Variants in AATF observed in about 807,000 individuals in gnomAD.
AATF encodes apoptosis antagonizing transcription factor.
AATF carries 48 observed loss-of-function variants against 63.7 expected under a neutral mutation model. The ratio of observed to expected loss-of-function variants is 0.75; its 90% CI spans 0.60 to 0.96. The LOEUF (loss-of-function observed/expected upper bound fraction) is 0.96. Among genes scored for constraint, AATF ranks in the 40% least tolerant of loss-of-function variants. The probability of loss-of-function intolerance (pLI) is 0.00; values close to 1 mark genes in which losing one functional copy is unlikely to be tolerated. For synonymous variants in AATF, 258 were observed against 247.7 expected (o/e 1.04, Z -0.39); for missense variants, 639 against 685.7 (o/e 0.93, Z 0.76).
chr17:37,034,138 G>A (rs2071572143), intron 11 of AATF, among the ~76,000 whole-genome samples: 2 of 152,190 alleles, frequency 1.3e-5, no homozygotes, highest in African/African-American at 2.4e-5. Context: ...CTGGAGAACT[G>A]AACATTTGTT....
intron 11 of AATF, among the ~76,000 whole-genome samples, chr17:37,042,568 C>T (rs1239769230): frequency 6.7e-6 from 1 of 149,652 alleles, no homozygotes; most frequent in Non-Finnish European, 1.5e-5. Context: ...GCACACACTA[C>T]CACACCCAGC....
chr17:37,016,237 G>C (rs1050715122), intron 8 of AATF, among the ~76,000 whole-genome samples: 1 of 152,098 alleles, frequency 6.6e-6, no homozygotes, highest in Non-Finnish European at 1.5e-5. Context: ...TTCCTCAACT[G>C]TCTCTTAGAG....
chr17:37,003,558 C>G (rs375376210), intron 8 of AATF, among the ~76,000 whole-genome samples: 1 of 150,004 alleles, frequency 6.7e-6, no homozygotes, highest in Non-Finnish European at 1.5e-5. Context: ...CTTCTGCCTC[C>G]CAGGCTCAAG....
At chr17:37,031,003 T>G (rs552422319) in intron 10 of AATF, among the ~76,000 whole-genome samples, 3 of 152,370 alleles carry the variant, frequency 2.0e-5, no homozygotes, top group Admixed American at 1.3e-4. Context: ...TGTTCTTTTT[T>G]GGGGCTGTAC....
At chr17:37,053,320 C>T (rs2142332325) in intron 11 of AATF, among the ~76,000 whole-genome samples, 1 of 151,818 alleles carries the variant, frequency 6.6e-6, no homozygotes, top group South Asian at 2.1e-4. Context: ...TTGATTATAT[C>T]CTAATAATAA....
chr17:36,995,428 G>A (rs1015497846), intron 8 of AATF, among the ~76,000 whole-genome samples: 6 of 152,160 alleles, frequency 3.9e-5, no homozygotes, highest in African/African-American at 4.8e-5. Flanking sequence ...ATTGGTGAGC[G>A]ATTAATATGG....
At chr17:37,009,162 A>T (rs1265833625) in intron 8 of AATF, among the ~76,000 whole-genome samples, 1 of 151,616 alleles carries the variant, frequency 6.6e-6, no homozygotes, top group East Asian at 2.0e-4. Context: ...ATGGAGTTTC[A>T]CTCTTGTTGC....
At chr17:37,009,521 G>A (rs112372470) in intron 8 of AATF, among the ~76,000 whole-genome samples, 4,951 of 151,734 alleles carry the variant, frequency 0.033, 285 homozygotes, top group African/African-American at 0.11. Context: ...ATTCTCATCC[G>A]CTTAAAACCA....
chr17:37,037,265 T>G (rs2071601255), intron 11 of AATF, among the ~76,000 whole-genome samples: 1 of 152,146 alleles, frequency 6.6e-6, no homozygotes, highest in Non-Finnish European at 1.5e-5. Flanking sequence ...TCCACCTGCT[T>G]CGGCCTCCCA....
intron 11 of AATF, chr17:37,034,810 A>G (rs1352101654): frequency 1.3e-5 from 2 of 152,186 alleles, no homozygotes; most frequent in African/African-American, 2.4e-5. Flanking sequence ...TGGACACAGC[A>G]TATCAACAAG....
At chr17:37,049,828 C>G (rs2071731404) in intron 11 of AATF, among the ~76,000 whole-genome samples, 1 of 152,046 alleles carries the variant, frequency 6.6e-6, no homozygotes, top group African/African-American at 2.4e-5. Context: ...TTGGGAGGCC[C>G]TGGGCATACT....
At chr17:37,016,526 C>T (rs1210771506) in intron 8 of AATF, among the ~76,000 whole-genome samples, 3 of 152,166 alleles carry the variant, frequency 2.0e-5, no homozygotes, top group Non-Finnish European at 4.4e-5. Flanking sequence ...AACATTTTCT[C>T]TCTCTCCATT....
At position 37,019,019 on chromosome 17, in the gene AATF, C is replaced by G; in HGVS notation, c.1413C>G (p.Leu471=). 1 of 1,614,052 alleles carries G rather than the reference C, an allele frequency of 6.2e-7. No homozygotes were observed. The highest frequency in any genetic ancestry group is 8.5e-7 in the Non-Finnish European group (1 of 1,179,934). ...DDFYHQLLRE[L]IERKTSSLDP... ...TTTTCCCCTAGCTCCTTCGAGAACT[C>G]ATAGAACGGAAGACCAGCTCCTTGG... is the stretch of plus-strand genomic sequence containing the variant. Residue 471 remains leucine (L), a synonymous_variant, in exon 9 of 12, where the codon CTC becomes CTG. Transcript: ENST00000619387.
At chr17:36,992,619 T>C (rs1436821357) in intron 8 of AATF, among the ~76,000 whole-genome samples, 1 of 151,798 alleles carries the variant, frequency 6.6e-6, no homozygotes, top group Non-Finnish European at 1.5e-5. Flanking sequence ...TCTGAATTTT[T>C]TTTTTTTTTT....
intron 8 of AATF, among the ~76,000 whole-genome samples, chr17:37,008,927 G>T (rs980638499): frequency 1.3e-5 from 2 of 152,160 alleles, no homozygotes; most frequent in Admixed American, 1.3e-4. Flanking sequence ...GCAGTAAAAG[G>T]ACCAACTTAA....
chr17:36,958,526 A>G (rs564566220), intron 4 of AATF, among the ~76,000 whole-genome samples: 48 of 152,160 alleles, frequency 3.2e-4, no homozygotes, highest in Non-Finnish European at 4.4e-4. Flanking sequence ...TGGCAATGAT[A>G]TGTAAGGAAG....
chr17:36,971,925 TTTC>T (rs2071042303), intron 4 of AATF, among the ~76,000 whole-genome samples: 1 of 152,198 alleles, frequency 6.6e-6, no homozygotes, highest in Admixed American at 6.5e-5. Context: ...GCAGCCCAGC[TTTC>T]TTCTTTGTTT....
intron 2 of AATF, among the ~76,000 whole-genome samples, chr17:36,951,665 T>G (rs1191887840): frequency 2.6e-5 from 4 of 152,214 alleles, no homozygotes; most frequent in African/African-American, 9.7e-5. Flanking sequence ...ATGTAGGCTG[T>G]CTGACTCCAA....
chr17:36,953,319 T>A, intron 3 of AATF, 23 bp downstream of exon 3: 2 of 1,591,364 alleles, frequency 1.3e-6, no homozygotes, highest in South Asian at 2.2e-5. Flanking sequence ...TTTTGCTGAT[T>A]GCCTGTTTTT....
Sources: gnomAD v4.1 joint callset for allele counts (sites outside exome capture counted in the v4.1 genomes callset) on GRCh38, gnomAD v4.1.1 for gene constraint, MANE v1.5 for transcripts, NCBI Gene and HGNC (gene_info 2026-07-23, HGNC 2026-07-21) for gene names.